Variants in UEVLD observed in about 807,000 individuals in gnomAD.
UEVLD encodes UEV and lactate/malate dehyrogenase domains, also known as ubiquitin-conjugating enzyme E2 variant 3.
Under a neutral mutation model 58.6 loss-of-function variants are expected in UEVLD, and 47 were observed. The ratio of observed to expected loss-of-function variants is 0.80; its 90% CI spans 0.63 to 1.02. The LOEUF is 1.02. Ranked by LOEUF, UEVLD falls within the 50% of genes least tolerant of loss-of-function variation. The pLI is 0.00. For synonymous variants in UEVLD, 197 were observed against 195.3 expected (o/e 1.01, Z -0.07); for missense variants, 510 against 550.6 (o/e 0.93, Z 0.74).
chr11:18,532,791 A>C (rs1042268087), intron 11 of UEVLD, among the ~76,000 whole-genome samples: 3 of 152,148 alleles, frequency 2.0e-5, no homozygotes, highest in Admixed American at 6.6e-5. Context: ...GGGGGCTAAG[A>C]AAAAAGATAG....
chr11:18,567,795 A>G (rs1237055100), intron 4 of UEVLD, among the ~76,000 whole-genome samples: 1 of 152,204 alleles, frequency 6.6e-6, no homozygotes, highest in Non-Finnish European at 1.5e-5. Context: ...TGTGGAACTT[A>G]AAGGTGCTGC....
chr11:18,545,153 A>G (rs1851254432), intron 8 of UEVLD, among the ~76,000 whole-genome samples: 1 of 148,650 alleles, frequency 6.7e-6, no homozygotes, highest in African/African-American at 2.5e-5. Flanking sequence ...GCTCACTGCA[A>G]CCTCTGCCTC....
chr11:18,586,284 G>A (rs1853556168), intron 1 of UEVLD, among the ~76,000 whole-genome samples: 1 of 151,582 alleles, frequency 6.6e-6, no homozygotes, highest in Admixed American at 6.6e-5. Context: ...GCACGATCTT[G>A]GGCCACTGTA....
rs141442450 is a variant in UEVLD at position 18,544,657 on chromosome 11, T to C, written c.1026A>G (p.Glu342=). The C allele has an allele frequency of 4.4e-6, 7 of 1,594,948 alleles. No homozygotes were observed. The African/African-American group carries it at 9.5e-5, about 22-fold the overall frequency. The stretch of plus-strand genomic sequence containing the variant: ...CTCCTTGCTCGCCAATAACCCATAC[T>C]TCTTTGCCTGAAGTCTGTGCCTTCA... The part of the protein sequence containing the change: ...NVLKAQTSGK[E]VWVIGEQGED... Residue 342 remains glutamate, a synonymous_variant, in exon 9 of 12, where the codon GAA becomes GAG. Transcript: ENST00000396197.
intron 3 of UEVLD, 21 bp from the exon 4 acceptor site, chr11:18,570,398 A>G (rs754711793): frequency 1.6e-5 from 24 of 1,501,178 alleles, no homozygotes; most frequent in Middle Eastern, 1.8e-4. Context: ...CAAAAGAAAC[A>G]TATCTTCAAA....
rs1852305709 is a variant in UEVLD, at chr11:18,566,421, G to A, written c.419C>T (p.Pro140Leu). Residue 140 changes from proline to leucine, a missense_variant, in exon 5 of 12, where the codon CCC (proline) becomes CTC (leucine). Transcript: ENST00000396197. ...ATCAGATGATGATAGAGAATACATG[G>A]GAAGTTCCTCTTGAAACTTGGCAAT... ...EMIAKFQEEL[P>L]MYSLSSSDEA... 1.2e-6 allele frequency: 2 copies of A among 1,614,026 alleles called. No homozygotes were observed. The highest frequency in any genetic ancestry group is 8.5e-7 in the Non-Finnish European group (1 of 1,180,010).
intron 7 of UEVLD, among the ~76,000 whole-genome samples, chr11:18,548,225 A>AT (rs1851379778): frequency 6.6e-6 from 1 of 152,098 alleles, no homozygotes; most frequent in Admixed American, 6.6e-5. Flanking sequence ...TTACAACTAT[A>AT]TTACTCTCCA....
chr11:18,582,405 C>CTTT (rs773719146), intron 1 of UEVLD, among the ~76,000 whole-genome samples: 4 of 75,650 alleles, frequency 5.3e-5, no homozygotes, highest in East Asian at 7.0e-4. Flanking sequence ...AAAATATTAG[C>CTTT]TTTTTTTTTT....
rs373828090 is a variant in UEVLD, at chr11:18,583,617, A to G, written c.43-4809T>C. ...CTTTGTAGTATCATTTATTAAAAGA[A>G]GTTTTTAGCAGGAAGGAATCTTTAT... On this transcript the variant is annotated intron_variant, in intron 1 of 11. Transcript: ENST00000396197. Among the ~76,000 whole-genome samples the G allele has an allele frequency of 3.9e-4, 44 of 114,270 alleles. No individual in the cohort carries two copies. The Middle Eastern group carries it at 0.013, about 33-fold the overall frequency. The allele number at this position is 114,270 out of a possible 152,430, so 75.0% of individuals were successfully genotyped here. A position where few individuals can be genotyped will look rare whatever the true frequency, so the allele number is the denominator to read the frequency against.
intron 1 of UEVLD, among the ~76,000 whole-genome samples, chr11:18,583,123 C>T (rs965698169): frequency 6.6e-6 from 1 of 151,868 alleles, no homozygotes; most frequent in Non-Finnish European, 1.5e-5. Context: ...AGGGTTTCAC[C>T]AAGTTGGCCA....
chr11:18,588,567 C>T (rs753646993), intron 1 of UEVLD, 46 bp downstream of exon 1: 2 of 1,601,946 alleles, frequency 1.2e-6, no homozygotes, highest in East Asian at 2.2e-5. Flanking sequence ...GAGGCACCCC[C>T]CGCAAGACCC....
In UEVLD at chr11:18,588,684, G is replaced by A. The variant is rs1853726867; in HGVS notation, c.-30C>T. 1.2e-6 allele frequency: 2 copies of A among 1,604,850 alleles called. No individual in the cohort carries two copies. The highest frequency in any genetic ancestry group is 1.7e-4 in the Middle Eastern group (1 of 6,044). On this transcript the variant is annotated 5_prime_UTR_variant, in exon 1 of 12. Transcript: ENST00000396197. ...AGGCCGGTCCCGAGCTAGGTCCCAG[G>A]ACTCCAGCCCCCGGACCTTCTTCCG...
chr11:18,551,337 C>T (rs890040649), intron 7 of UEVLD, among the ~76,000 whole-genome samples: 2 of 145,794 alleles, frequency 1.4e-5, no homozygotes, highest in African/African-American at 2.5e-5. Context: ...GCAAGAGAAT[C>T]GCTTGAACCT....
chr11:18,545,075 T>TCTATA lies in UEVLD; in HGVS notation c.887-280_887-279insTATAG, dbSNP rs60959151. On this transcript the variant is annotated intron_variant, in intron 8 of 11. Coordinates refer to ENST00000396197, the MANE Select transcript of UEVLD (RefSeq NM_001040697.4). ...ATCTATATCTATATCTATATCTATA[T>TCTATA]TTTTTTTTTTTTTTTGAGATGGAGT... is the stretch of plus-strand genomic sequence containing the variant. Among the ~76,000 whole-genome samples, 526 of 117,218 alleles carry TCTATA rather than the reference T, an allele frequency of 4.5e-3. 6 individuals are homozygous for TCTATA. Among genetic ancestry groups the TCTATA allele is most frequent in the African/African-American group, 0.017 (479 of 28,172 alleles). The allele number at this position is 117,218 out of a possible 152,430, so 76.9% of individuals were successfully genotyped here.
Position 18,588,635 on chromosome 11 carries a change from C to T in UEVLD, c.20G>A (p.Gly7Asp), listed in dbSNP as rs776467757. The change falls in exon 1 of 12, where the codon GGC (glycine) becomes GAC (aspartate). Residue 7 changes from glycine (G) to aspartate (D), a missense_variant. Transcript: ENST00000396197. Reference protein sequence around the residue: MEFDCEGLRRLLGKYKF... With the variant: MEFDCEDLRRLLGKYKF... ...CACCTTGCCAAGCAGCCGTCTCAGG[C>T]CCTCGCAGTCGAACTCCATCTCCAG... The T allele has an allele frequency of 2.5e-6, 4 of 1,610,022 alleles. No homozygotes were observed. Among genetic ancestry groups the T allele is most frequent in the Non-Finnish European group, 1.7e-6 (2 of 1,179,872 alleles).
At chr11:18,545,507 T>G (rs1851270309) in intron 8 of UEVLD, among the ~76,000 whole-genome samples, 1 of 151,536 alleles carries the variant, frequency 6.6e-6, no homozygotes, top group South Asian at 2.1e-4. Context: ...TGCAGTGGCA[T>G]GACCTGGGCT....
At chr11:18,556,959 G>A (rs2134000606) in intron 7 of UEVLD, among the ~76,000 whole-genome samples, 1 of 151,788 alleles carries the variant, frequency 6.6e-6, no homozygotes, top group South Asian at 2.1e-4. Context: ...AGGTGTGGTG[G>A]TGCATGCCTA....
chr11:18,585,642 ATT>A (rs112928334), intron 1 of UEVLD, among the ~76,000 whole-genome samples: 7 of 145,438 alleles, frequency 4.8e-5, no homozygotes, highest in Admixed American at 1.4e-4. Context: ...TATTATTATT[ATT>A]TTTTTTTTTT....
intron 9 of UEVLD, among the ~76,000 whole-genome samples, chr11:18,542,890 C>CTTTTTTTCTTTTTTT (rs1851116371): frequency 7.9e-6 from 1 of 125,902 alleles, no homozygotes; most frequent in East Asian, 2.6e-4. Context: ...CTTTTCTTTT[C>CTTTTTTTCTTTTTTT]TTTTTTTTTT....
Sources: gnomAD v4.1 joint callset for allele counts (sites outside exome capture counted in the v4.1 genomes callset) on GRCh38, gnomAD v4.1.1 for gene constraint, MANE v1.5 for transcripts, NCBI Gene and HGNC (gene_info 2026-07-23, HGNC 2026-07-21) for gene names.